Variants in DLGAP1 observed in about 807,000 individuals in gnomAD.
The protein encoded by DLGAP1 is disks large-associated protein 1.
DLGAP1 carries 11 observed loss-of-function variants against 90.8 expected under a neutral mutation model. That is an observed-to-expected ratio of 0.12 (90% confidence interval 0.08 to 0.20). The LOEUF is 0.20. Among genes scored for constraint, DLGAP1 ranks in the 10% least tolerant of loss-of-function variants. DLGAP1 has a pLI of 1.00. For synonymous variants in DLGAP1, 558 were observed against 540.7 expected, an observed-to-expected ratio of 1.03 and a Z score of -0.44; for missense variants, 1,050 against 1,333.8, an observed-to-expected ratio of 0.79 and a Z score of 3.31.
chr18:4,296,677 G>C (rs531122309), intron 1 of DLGAP1, among the ~76,000 whole-genome samples: 22 of 152,210 alleles, frequency 1.4e-4, no homozygotes, highest in Non-Finnish European at 3.1e-4. Context: ...AACATTTTTT[G>C]TTCCAAAGTA....
At chr18:4,296,408 C>G (rs1284936723) in intron 1 of DLGAP1, among the ~76,000 whole-genome samples, 1 of 152,188 alleles carries the variant, frequency 6.6e-6, no homozygotes, top group Non-Finnish European at 1.5e-5. Flanking sequence ...AGGAGGGCCA[C>G]TCTCAGAAAC....
chr18:3,519,766 G>A (rs764458801), intron 10 of DLGAP1, among the ~76,000 whole-genome samples: 1 of 152,192 alleles, frequency 6.6e-6, no homozygotes, highest in Non-Finnish European at 1.5e-5. Flanking sequence ...TCTGGAGGAT[G>A]CAGCAACAGG....
At chr18:3,984,399 T>C (rs1482012737) in intron 3 of DLGAP1, 1 of 152,324 alleles carries the variant, frequency 6.6e-6, no homozygotes. Flanking sequence ...ATCATTCAAA[T>C]GGAAATCCCA....
chr18:3,625,532 G>A (rs1432002241), intron 7 of DLGAP1, among the ~76,000 whole-genome samples: 1 of 152,162 alleles, frequency 6.6e-6, no homozygotes, highest in African/African-American at 2.4e-5. Flanking sequence ...TTTCACAATA[G>A]AAAATGGCTT....
At chr18:3,935,309 T>C (rs1282031079) in intron 3 of DLGAP1, among the ~76,000 whole-genome samples, 1 of 152,190 alleles carries the variant, frequency 6.6e-6, no homozygotes, top group Non-Finnish European at 1.5e-5. Context: ...TACGATTAGC[T>C]CAAACAAAGA....
chr18:3,665,414 C>T (rs1359659877), intron 7 of DLGAP1, among the ~76,000 whole-genome samples: 1 of 152,156 alleles, frequency 6.6e-6, no homozygotes, highest in Non-Finnish European at 1.5e-5. Flanking sequence ...AAAATGCATT[C>T]CCCTACTTAG....
chr18:3,974,414 T>G (rs1445050301), intron 3 of DLGAP1, among the ~76,000 whole-genome samples: 1 of 152,234 alleles, frequency 6.6e-6, no homozygotes, highest in East Asian at 1.9e-4. Flanking sequence ...GATCTTTTAA[T>G]TCAGGGCTTT....
chr18:4,139,918 A>G (rs1373781554), intron 2 of DLGAP1, among the ~76,000 whole-genome samples: 2 of 151,962 alleles, frequency 1.3e-5, no homozygotes, highest in Non-Finnish European at 2.9e-5. Flanking sequence ...TGATATAACT[A>G]TAGCTACTCC....
chr18:4,279,644 C>G (rs984615858), intron 1 of DLGAP1, among the ~76,000 whole-genome samples: 1 of 152,044 alleles, frequency 6.6e-6, no homozygotes, highest in Non-Finnish European at 1.5e-5. Context: ...ATGTGTCTAA[C>G]GTATTGAATA....
rs1555621484 is a variant in DLGAP1, at chr18:4,454,406, TTCTCTC to T, written c.-267+594_-267+599del. On this transcript the variant is annotated intron_variant, in intron 1 of 12. Transcript: ENST00000315677. The surrounding 1 kb of genome is among the most constrained non-coding windows in gnomAD (Gnocchi z 4.7). ...CAGTGACCTCCTCCTTGGACCCCAT[TTCTCTC>T]TCTCTCTCTCTCTCTGTGCCTGTCT... 1.3e-5 allele frequency among the ~76,000 whole-genome samples: 2 copies of T among 150,652 alleles called. No homozygotes were observed. Among genetic ancestry groups the T allele is most frequent in the East Asian group, 2.0e-4 (1 of 5,018 alleles).
chr18:3,888,564 A>AC (rs1213279385), intron 3 of DLGAP1, among the ~76,000 whole-genome samples: 64 of 152,302 alleles, frequency 4.2e-4, no homozygotes, highest in African/African-American at 1.5e-3. Context: ...TAAAAAAAAA[A>AC]AAACCAACGA....
chr18:4,415,271 T>G (rs2082872636), intron 1 of DLGAP1, among the ~76,000 whole-genome samples: 1 of 152,130 alleles, frequency 6.6e-6, no homozygotes, highest in Non-Finnish European at 1.5e-5. Flanking sequence ...AAATGAAAAG[T>G]ATCATGTTCT....
At chr18:3,820,022 T>G (rs776030795) in intron 4 of DLGAP1, among the ~76,000 whole-genome samples, 20 of 152,216 alleles carry the variant, frequency 1.3e-4, no homozygotes, top group Non-Finnish European at 2.2e-4. Flanking sequence ...GTGCCCCACT[T>G]TGGCTGGGCT....
chr18:4,156,545 T>G (rs2076759582), intron 1 of DLGAP1, among the ~76,000 whole-genome samples: 1 of 152,142 alleles, frequency 6.6e-6, no homozygotes, highest in Admixed American at 6.6e-5. Flanking sequence ...TACTTTACAT[T>G]TTGGCAGTCC....
intron 9 of DLGAP1, among the ~76,000 whole-genome samples, chr18:3,553,698 T>A (rs2053601525): frequency 6.6e-6 from 1 of 150,594 alleles, no homozygotes; most frequent in African/African-American, 2.4e-5. Context: ...CATGCCTGGC[T>A]AATTTTTGTA....
chr18:4,041,182 G>A (rs574170466), intron 2 of DLGAP1, among the ~76,000 whole-genome samples: 4 of 152,272 alleles, frequency 2.6e-5, no homozygotes, highest in Non-Finnish European at 5.9e-5. Flanking sequence ...CTAGAAATCT[G>A]GTTTTGCAAT....
At chr18:3,659,129 A>G (rs890854525) in intron 7 of DLGAP1, among the ~76,000 whole-genome samples, 11 of 152,212 alleles carry the variant, frequency 7.2e-5, no homozygotes, top group African/African-American at 2.4e-4. Flanking sequence ...TAACTATGTT[A>G]CAGTGAAAAT....
At chr18:3,630,945 T>A (rs983921251) in intron 7 of DLGAP1, among the ~76,000 whole-genome samples, 4 of 152,120 alleles carry the variant, frequency 2.6e-5, no homozygotes, top group Non-Finnish European at 5.9e-5. Flanking sequence ...TTGACACCTT[T>A]CTAATTTGCA....
chr18:4,044,603 C>T (rs189484542), intron 2 of DLGAP1, among the ~76,000 whole-genome samples: 7 of 151,834 alleles, frequency 4.6e-5, no homozygotes, highest in East Asian at 1.9e-4. Flanking sequence ...TAGCCAGGCA[C>T]GGTGGTGGGC....
Sources: allele counts gnomAD v4.1 joint callset (sites outside exome capture counted in the v4.1 genomes callset), GRCh38; gene constraint gnomAD v4.1.1; non-coding constraint Gnocchi (gnomAD v3.1); transcripts MANE v1.5; gene names NCBI Gene and HGNC (gene_info 2026-07-23, HGNC 2026-07-21).